MTMR7: variants seen among roughly 807,000 people sequenced by gnomAD.
The protein encoded by MTMR7 is myotubularin related protein 7, also known as phosphatidylinositol-3-phosphate phosphatase MTMR7.
In MTMR7, 76 loss-of-function variants were observed where a neutral mutation model predicts 81.2. That is an observed-to-expected ratio of 0.94 (90% CI 0.78 to 1.13). The LOEUF is 1.13. Ranked by LOEUF, MTMR7 falls within the 50% of genes most tolerant of loss-of-function variation. The pLI is 0.00. For missense variants in MTMR7, 1,044 were observed against 820.0 expected (o/e 1.27, Z -3.34); for synonymous variants, 372 against 289.8 (o/e 1.28, Z -2.88).
At chr8:17,348,118 T>TA (rs1819615284) in intron 5 of MTMR7, among the ~76,000 whole-genome samples, 1 of 152,172 alleles carries the variant, frequency 6.6e-6, no homozygotes. Flanking sequence ...CACTGTTACT[T>TA]AGAGTCTCTA....
chr8:17,372,029 C>G (rs74872992), intron 2 of MTMR7, among the ~76,000 whole-genome samples: 1 of 151,978 alleles, frequency 6.6e-6, no homozygotes, highest in African/African-American at 2.4e-5. Flanking sequence ...ATTCCCTCCC[C>G]CTCCTCTGCA....
chr8:17,365,013 C>A (rs1820182976), intron 3 of MTMR7, among the ~76,000 whole-genome samples: 4 of 152,200 alleles, frequency 2.6e-5, no homozygotes, highest in Admixed American at 6.5e-5. Flanking sequence ...ATGGCTTGTA[C>A]TAATTTACAT....
intron 3 of MTMR7, among the ~76,000 whole-genome samples, chr8:17,362,537 CAG>C (rs1820090728): frequency 6.6e-6 from 1 of 152,218 alleles, no homozygotes; most frequent in South Asian, 2.1e-4. Flanking sequence ...CTCCCTCCCT[CAG>C]AGTCACACAG....
At chr8:17,358,227 T>C (rs1819954061) in intron 4 of MTMR7, among the ~76,000 whole-genome samples, 1 of 151,882 alleles carries the variant, frequency 6.6e-6, no homozygotes. Flanking sequence ...TAAACAGAGC[T>C]CCACCAAGCA....
chr8:17,341,868 G>A (rs1017365819), intron 5 of MTMR7, among the ~76,000 whole-genome samples: 5 of 151,418 alleles, frequency 3.3e-5, no homozygotes, highest in South Asian at 2.1e-4. Context: ...CATAGGATAC[G>A]ATTAATGGTG....
At chr8:17,307,703 G>A (rs527291507) in intron 10 of MTMR7, among the ~76,000 whole-genome samples, 1 of 152,288 alleles carries the variant, frequency 6.6e-6, no homozygotes, top group East Asian at 1.9e-4. Context: ...ATATTATGCA[G>A]CCATAAAAAA....
At chr8:17,371,849 T>C (rs960087852) in intron 2 of MTMR7, among the ~76,000 whole-genome samples, 2 of 141,542 alleles carry the variant, frequency 1.4e-5, no homozygotes, top group Admixed American at 7.0e-5. Context: ...CACTTACCTA[T>C]AGTTTTTTTT....
intron 3 of MTMR7, among the ~76,000 whole-genome samples, chr8:17,367,380 CA>C (rs1820260469): frequency 6.6e-6 from 1 of 152,086 alleles, no homozygotes; most frequent in African/African-American, 2.4e-5. Flanking sequence ...GGAGAGAGGA[CA>C]TGGGAAAAGC....
intron 5 of MTMR7, among the ~76,000 whole-genome samples, chr8:17,346,727 T>C (rs529980569): frequency 6.7e-5 from 10 of 150,056 alleles, no homozygotes; most frequent in Non-Finnish European, 1.3e-4. Flanking sequence ...AAAACACCTC[T>C]GAAACAACAA....
chr8:17,392,900 G>A (rs570725032), intron 1 of MTMR7, among the ~76,000 whole-genome samples: 19 of 152,326 alleles, frequency 1.2e-4, no homozygotes, highest in African/African-American at 4.6e-4. Flanking sequence ...CTTTTGCAAT[G>A]AGGATGATTA....
At chr8:17,339,158 T>C (rs1819336975) in intron 6 of MTMR7, among the ~76,000 whole-genome samples, 2 of 152,188 alleles carry the variant, frequency 1.3e-5, no homozygotes, top group African/African-American at 4.8e-5. Flanking sequence ...GTGTCTATAA[T>C]TACCTCTTCC....
chr8:17,385,089 C>A (rs1467830469), intron 1 of MTMR7, among the ~76,000 whole-genome samples: 2 of 152,182 alleles, frequency 1.3e-5, no homozygotes, highest in East Asian at 3.8e-4. Flanking sequence ...ACAATTAATT[C>A]TTCAAAAACT....
Position 17,311,558 on chromosome 8 carries a change from C to A in MTMR7, c.1054G>T (p.Ala352Ser). 1 of 1,614,110 alleles carries A rather than the reference C, an allele frequency of 6.2e-7. No individual in the cohort carries two copies. Among genetic ancestry groups the A allele is most frequent in the Non-Finnish European group, 8.5e-7 (1 of 1,180,006 alleles). The change falls in exon 9 of 14, where the codon GCA becomes TCA. Residue 352 changes from alanine (A) to serine (S), a missense_variant. Transcript: ENST00000180173. Reference sequence around the variant, plus strand: ...TAGTGAGGGTCCAGCAGCAGGCTTGCCACCGAGCACACCTGAGCGGTCCTG... The same window carrying A: ...TAGTGAGGGTCCAGCAGCAGGCTTGACACCGAGCACACCTGAGCGGTCCTG... ...WDRTAQVCSV[A>S]SLLLDPHYRT... is the part of the protein sequence containing the mutation.
intron 1 of MTMR7, among the ~76,000 whole-genome samples, chr8:17,381,404 G>A (rs934035776): frequency 1.3e-5 from 2 of 152,016 alleles, no homozygotes; most frequent in African/African-American, 4.8e-5. Flanking sequence ...TTTCTTCAGT[G>A]ATCCTCTATT....
chr8:17,342,205 T>C (rs908693997), intron 5 of MTMR7, among the ~76,000 whole-genome samples: 11 of 152,242 alleles, frequency 7.2e-5, no homozygotes, highest in African/African-American at 2.6e-4. Flanking sequence ...TTTCCCTGAG[T>C]TATGAGTAGG....
chr8:17,384,751 G>A (rs1820877796), intron 1 of MTMR7, among the ~76,000 whole-genome samples: 1 of 152,186 alleles, frequency 6.6e-6, no homozygotes, highest in South Asian at 2.1e-4. Context: ...TGGCAACCAT[G>A]AAGCTTCAGG....
At chr8:17,393,716 G>T (rs1297075309) in intron 1 of MTMR7, among the ~76,000 whole-genome samples, 1 of 152,054 alleles carries the variant, frequency 6.6e-6, no homozygotes, top group Non-Finnish European at 1.5e-5. Context: ...GCGAGGGGAG[G>T]GAGAACATCA....
chr8:17,325,456 T>C (rs2239868), intron 7 of MTMR7, among the ~76,000 whole-genome samples: 21,491 of 152,240 alleles, frequency 0.14, 1,978 homozygotes, highest in South Asian at 0.43. Context: ...ATGCCCATCA[T>C]GTCAGGGAAC....
At chr8:17,397,654 C>A (rs768198979) in intron 1 of MTMR7, among the ~76,000 whole-genome samples, 5 of 152,222 alleles carry the variant, frequency 3.3e-5, no homozygotes, top group Non-Finnish European at 5.9e-5. Flanking sequence ...ACTCGCCACC[C>A]TGAAGGGAAG....
Sources: allele counts gnomAD v4.1 joint callset (sites outside exome capture counted in the v4.1 genomes callset), GRCh38; gene constraint gnomAD v4.1.1; transcripts MANE v1.5; gene names NCBI Gene and HGNC (gene_info 2026-07-23, HGNC 2026-07-21).